KIAA0753: variants seen among roughly 807,000 people sequenced by gnomAD.
KIAA0753 encodes KIAA0753.
A neutral mutation model predicts 116.9 loss-of-function variants in KIAA0753; 114 were observed. The ratio of observed to expected loss-of-function variants is 0.98; its 90% confidence interval spans 0.84 to 1.14. The LOEUF (loss-of-function observed/expected upper bound fraction) is 1.14. Ranked by LOEUF, KIAA0753 falls within the 50% of genes most tolerant of loss-of-function variation. The pLI, the probability that KIAA0753 is intolerant of heterozygous loss-of-function variation, is 0.00. For synonymous variants in KIAA0753, 405 were observed against 413.1 expected (o/e 0.98, Z 0.24); for missense variants, 1,156 against 1,172.4 (o/e 0.99, Z 0.20).
rs576589174 is a variant in KIAA0753, at chr17:6,612,833, A to C, written c.1316-685T>G. Among the ~76,000 whole-genome samples the C allele has an allele frequency of 5.9e-5, 9 of 152,328 alleles. No individual in the cohort carries two copies. In the South Asian group the frequency reaches 1.7e-3, roughly 28 times the overall value. On this transcript the variant is annotated intron_variant, in intron 7 of 18. Transcript: ENST00000361413. ...CAGTGAGCCAAGATCATGCCATTGC[A>C]CTCCAGCCTGAGGGACAAGAGCGAG...
rs976958100 is a variant in KIAA0753, at chr17:6,639,998, T to C, written c.-69+639A>G. The C allele has an allele frequency of 2.6e-5, 4 of 152,778 alleles. No individual in the cohort carries two copies. The highest frequency in any genetic ancestry group is 9.7e-5 in the African/African-American group (4 of 41,440). 9.5% of individuals were successfully genotyped at this position (152,778 alleles called of 1,614,324 possible). On this transcript the variant is annotated intron_variant, in intron 1 of 18. Transcript: ENST00000361413. This position sits in a 1 kb window ranked among gnomAD's most constrained non-coding sequence, Gnocchi z 4.3. ...GCCCCAGGGTCCCTTGCAGCCTCGA[T>C]GGAGCCTGGGGTCCCAGGAGCTCCC...
chr17:6,580,041 G>A (rs1028958219), intron 18 of KIAA0753, among the ~76,000 whole-genome samples, 177 bp from the exon 19 acceptor site: 8 of 151,886 alleles, frequency 5.3e-5, no homozygotes, highest in East Asian at 2.0e-4. Flanking sequence ...AAAATTAGCC[G>A]GGCGTGGTGG....
chr17:6,627,787 T>C lies in KIAA0753; in HGVS notation c.718+330A>G, dbSNP rs556000639. Among the ~76,000 whole-genome samples the C allele has an allele frequency of 4.6e-5, 7 of 152,310 alleles. No homozygotes were observed. The Middle Eastern group carries it at 0.01, about 222-fold the overall frequency. Reference sequence around the variant, plus strand: ...TTTTCCCAGAAGAGGGAAAACATTATAGGATAATTTGCACTCAGGTCCCAG... The same window carrying C: ...TTTTCCCAGAAGAGGGAAAACATTACAGGATAATTTGCACTCAGGTCCCAG... On this transcript the variant is annotated intron_variant, in intron 3 of 18. Coordinates refer to ENST00000361413, the MANE Select transcript of KIAA0753 (RefSeq NM_014804.3).
In KIAA0753 at chr17:6,628,628, T is replaced by TGA. The variant is rs1567586710; in HGVS notation, c.205_206dup (p.Tyr70HisfsTer35). 6.2e-7 allele frequency: 1 copy of TGA among 1,614,044 alleles called. No individual in the cohort carries two copies. The highest frequency in any genetic ancestry group is 8.5e-7 in the Non-Finnish European group (1 of 1,179,870). The stretch of plus-strand genomic sequence containing the variant: ...TACAATCTGCATCTTTACAATGGTA[T>TGA]GATTCATTGTATGAGTGCTTCAGTT... On this transcript the variant is annotated frameshift_variant, in exon 3 of 19. Transcript: ENST00000361413. LOFTEE classifies it high-confidence loss of function.
intron 12 of KIAA0753, among the ~76,000 whole-genome samples, chr17:6,605,662 G>A (rs1188124583): frequency 3.3e-5 from 5 of 151,924 alleles, no homozygotes; most frequent in African/African-American, 4.8e-5. Context: ...GATTTATGAA[G>A]AAGAGTAATG....
At chr17:6,591,060 AAGAAGAAGAAG>A (rs1969004934) in intron 16 of KIAA0753, among the ~76,000 whole-genome samples, 1 of 67,230 alleles carries the variant, frequency 1.5e-5, no homozygotes, top group Non-Finnish European at 2.9e-5. Flanking sequence ...GAAGAAGAAG[AAGAAGAAGAAG>A]AAGAAGAAGA....
chr17:6,614,889 C>A (rs1390013551), intron 7 of KIAA0753, among the ~76,000 whole-genome samples: 1 of 151,140 alleles, frequency 6.6e-6, no homozygotes, highest in Non-Finnish European at 1.5e-5. Flanking sequence ...ACCTCCGCTT[C>A]CCAGGTTCAA....
chr17:6,616,550 C>T (rs889273600), intron 7 of KIAA0753, among the ~76,000 whole-genome samples: 1 of 152,152 alleles, frequency 6.6e-6, no homozygotes, highest in South Asian at 2.1e-4. Context: ...TCAGGCTGGG[C>T]GAGGTGGCTC....
intron 18 of KIAA0753, among the ~76,000 whole-genome samples, chr17:6,584,713 T>TGGCA (rs1968439482): frequency 6.6e-6 from 1 of 152,240 alleles, no homozygotes; most frequent in Admixed American, 6.5e-5. Flanking sequence ...CTTCTGGAAG[T>TGGCA]TCCACGGTAG....
In KIAA0753 at chr17:6,594,975, T is replaced by C; in HGVS notation, c.2437A>G (p.Asn813Asp). The change falls in exon 16 of 19, where the codon AAT becomes GAT. Residue 813 changes from asparagine (N) to aspartate (D), a missense_variant. Transcript: ENST00000361413. ...DPRLWMQEEN[N>D]DQKISAISEK... is the part of the protein sequence containing the mutation. Reference sequence around the variant, plus strand: ...AAAAACATGGGGAAACACTCACCATTGTTTTCTTCCTGCATCCAAAGTCGA... The same window carrying C: ...AAAAACATGGGGAAACACTCACCATCGTTTTCTTCCTGCATCCAAAGTCGA... 6.2e-7 allele frequency: 1 copy of C among 1,608,572 alleles called. No individual in the cohort carries two copies.
chr17:6,598,136 A>G (rs1246734738), intron 14 of KIAA0753, among the ~76,000 whole-genome samples: 2 of 152,256 alleles, frequency 1.3e-5, no homozygotes, highest in Non-Finnish European at 1.5e-5. Flanking sequence ...TTTCACTGCC[A>G]GCATTCATAA....
intron 18 of KIAA0753, among the ~76,000 whole-genome samples, chr17:6,580,899 T>TACACACATAC (rs1555521186): frequency 9.7e-4 from 139 of 144,030 alleles, no homozygotes; most frequent in African/African-American, 3.5e-3. Flanking sequence ...TGCTCCTCTG[T>TACACACATAC]ACACACACAC....
At chr17:6,592,756 T>TA (rs1969164600) in intron 16 of KIAA0753, among the ~76,000 whole-genome samples, 1 of 152,146 alleles carries the variant, frequency 6.6e-6, no homozygotes, top group African/African-American at 2.4e-5. Context: ...TAGGAGTAGG[T>TA]AAAGGTTTCT....
chr17:6,608,733 G>A (rs1255526968), intron 9 of KIAA0753, among the ~76,000 whole-genome samples: 1 of 152,150 alleles, frequency 6.6e-6, no homozygotes, highest in Non-Finnish European at 1.5e-5. Flanking sequence ...TTGGGTGAGT[G>A]TCAACAAAAC....
chr17:6,592,640 C>T (rs889041467), intron 16 of KIAA0753, among the ~76,000 whole-genome samples: 27 of 152,170 alleles, frequency 1.8e-4, no homozygotes, highest in Non-Finnish European at 3.4e-4. Flanking sequence ...ACCCCAACCT[C>T]TACCTCAAAT....
chr17:6,620,834 G>A lies in KIAA0753; in HGVS notation c.1269C>T (p.Phe423=), dbSNP rs1308731501. ...CAGAAGGTCGACTTGTTTCCTGTGG[G>A]AATGTGTCCTTTGCTGTGAGGGGCC... is the stretch of plus-strand genomic sequence containing the variant. ...ERRPLTAKDT[F]PQETSRPSVA... Residue 423 remains phenylalanine, a synonymous_variant, in exon 7 of 19, where the codon TTC becomes TTT. Transcript: ENST00000361413. The A allele has an allele frequency of 6.2e-7, 1 of 1,614,184 alleles. No individual in the cohort carries two copies. The highest frequency in any genetic ancestry group is 2.2e-5 in the East Asian group (1 of 44,878).
intron 18 of KIAA0753, among the ~76,000 whole-genome samples, chr17:6,583,168 T>G (rs1346611392): frequency 1.3e-5 from 2 of 152,244 alleles, no homozygotes; most frequent in African/African-American, 4.8e-5. Flanking sequence ...TTGATGTATC[T>G]TTCACTGGGC....
Position 6,610,080 on chromosome 17 carries a change from T to A in KIAA0753, c.1626A>T (p.Arg542Ser), listed in dbSNP as rs1970431673. The change falls in exon 9 of 19, where the codon AGA becomes AGT. Residue 542 changes from arginine (R) to serine (S), a missense_variant. Arg to Ser is a moderately radical substitution (Grantham distance 110, BLOSUM62 -1). Transcript: ENST00000361413. ...SRVQQTTVSS[R>S]LKMNRQPVKD... Reference sequence around the variant, plus strand: ...TCACAGGCTGCCGGTTCATTTTTAATCTGGATGAAACTGTTGTCTGCTGCA... The same window carrying A: ...TCACAGGCTGCCGGTTCATTTTTAAACTGGATGAAACTGTTGTCTGCTGCA... 1 of 1,614,048 alleles carries A rather than the reference T, an allele frequency of 6.2e-7. No homozygotes were observed. The highest frequency in any genetic ancestry group is 1.7e-5 in the Admixed American group (1 of 59,986).
At chr17:6,629,361 T>C (rs1255108781) in intron 2 of KIAA0753, among the ~76,000 whole-genome samples, 1 of 152,234 alleles carries the variant, frequency 6.6e-6, no homozygotes, top group Non-Finnish European at 1.5e-5. Context: ...CTACAGCTTT[T>C]ATTTATCATT....
Sources: gnomAD v4.1 joint callset for allele counts (sites outside exome capture counted in the v4.1 genomes callset) on GRCh38, gnomAD v4.1.1 for gene constraint, Gnocchi (gnomAD v3.1) non-coding constraint, MANE v1.5 for transcripts, NCBI Gene and HGNC (gene_info 2026-07-23, HGNC 2026-07-21) for gene names.